The following ANTXR2 variants were observed in gnomAD, a reference collection of about 807,000 sequenced individuals.
The protein encoded by ANTXR2 is anthrax toxin receptor 2.
A neutral mutation model predicts 73.7 loss-of-function variants in ANTXR2; 44 were observed. The ratio of observed to expected loss-of-function variants is 0.60; its 90% confidence interval spans 0.47 to 0.77. The LOEUF (loss-of-function observed/expected upper bound fraction) is 0.77, where lower values mean the gene tolerates loss of function less well. ANTXR2 is among the 30% of genes least tolerant of loss of function. The pLI is 0.00. For missense variants in ANTXR2, 604 were observed against 592.5 expected (o/e 1.02, Z -0.20); for synonymous variants, 217 against 205.9 (o/e 1.05, Z -0.46).
intron 16 of ANTXR2, among the ~76,000 whole-genome samples, chr4:79,915,853 T>C (rs1727329720): frequency 7.8e-6 from 1 of 128,420 alleles, no homozygotes; most frequent in Non-Finnish European, 1.8e-5. Context: ...TCTCTCTCTC[T>C]CTCTCTCTCT....
chr4:79,960,769 GA>G (rs1197086657), intron 16 of ANTXR2, among the ~76,000 whole-genome samples: 3 of 151,490 alleles, frequency 2.0e-5, no homozygotes, highest in Admixed American at 2.0e-4. Flanking sequence ...ACAATTAGTG[GA>G]AAATATAAAT....
intron 16 of ANTXR2, among the ~76,000 whole-genome samples, chr4:79,963,956 T>C (rs1328415510): frequency 6.6e-6 from 1 of 152,224 alleles, no homozygotes; most frequent in Non-Finnish European, 1.5e-5. Flanking sequence ...GAAGTCTTTA[T>C]GAATAGGAAT....
intron 16 of ANTXR2, among the ~76,000 whole-genome samples, chr4:79,955,225 C>T (rs538781821): frequency 6.6e-6 from 1 of 152,192 alleles, no homozygotes; most frequent in East Asian, 1.9e-4. Context: ...AATAAATATA[C>T]AGAGCTCTTA....
chr4:79,907,485 T>C lies in ANTXR2; in HGVS notation c.1429-18A>G, dbSNP rs770298911. 12 of 1,610,634 alleles carry C rather than the reference T, an allele frequency of 7.5e-6. No individual in the cohort carries two copies. Among genetic ancestry groups the C allele is most frequent in the African/African-American group, 1.3e-5 (1 of 74,766 alleles). The stretch of plus-strand genomic sequence containing the variant: ...CACCGGCCCTGAAGAAAGAAATAAA[T>C]CCATATTGAAATATTGAAGCCATTA... On this transcript the variant is annotated intron_variant, in intron 16 of 16. Transcript: ENST00000403729.
At chr4:79,966,563 G>GT (rs1237424150) in intron 16 of ANTXR2, among the ~76,000 whole-genome samples, 1 of 151,960 alleles carries the variant, frequency 6.6e-6, no homozygotes, top group Non-Finnish European at 1.5e-5. Flanking sequence ...GTAAATTACT[G>GT]TAAGTTCCCC....
At chr4:80,054,816 CATT>C (rs1733918550) in intron 6 of ANTXR2, among the ~76,000 whole-genome samples, 1 of 151,158 alleles carries the variant, frequency 6.6e-6, no homozygotes, top group African/African-American at 2.4e-5. Flanking sequence ...GAAATTCTAA[CATT>C]ATAATAATAT....
intron 7 of ANTXR2, among the ~76,000 whole-genome samples, chr4:80,039,918 T>C (rs1379145934): frequency 6.6e-6 from 1 of 151,952 alleles, no homozygotes. Context: ...ATAGAAACCA[T>C]GGAATAAAAC....
At chr4:79,966,411 T>C (rs1168118853) in intron 16 of ANTXR2, among the ~76,000 whole-genome samples, 1 of 152,218 alleles carries the variant, frequency 6.6e-6, no homozygotes, top group African/African-American at 2.4e-5. Flanking sequence ...AGTGGTGAGC[T>C]ATGGATGTCT....
rs775715780 is a variant in ANTXR2, at chr4:80,072,495, C to CAACAGCCACAGCCCGGGG, written c.48_65dup (p.Phe16_Leu21dup). 7.5e-6 allele frequency: 12 copies of CAACAGCCACAGCCCGGGG among 1,608,168 alleles called. No homozygotes were observed. The highest frequency in any genetic ancestry group is 1.0e-5 in the Non-Finnish European group (12 of 1,177,952). The stretch of plus-strand genomic sequence containing the variant: ...GCAGCCCCCCGGGACCGCTGAGCAC[C>CAACAGCCACAGCCCGGGG]AACAGCCACAGCCCGGGGAACAGCC... On this transcript the variant is annotated inframe_insertion, in exon 1 of 17. Transcript: ENST00000403729.
At chr4:79,960,201 T>C (rs1729092650) in intron 16 of ANTXR2, among the ~76,000 whole-genome samples, 1 of 152,128 alleles carries the variant, frequency 6.6e-6, no homozygotes, top group African/African-American at 2.4e-5. Flanking sequence ...TAAGAAATCA[T>C]TCATGTCAGG....
chr4:79,924,229 A>T (rs1308678030), intron 16 of ANTXR2, among the ~76,000 whole-genome samples: 2 of 152,192 alleles, frequency 1.3e-5, no homozygotes, highest in African/African-American at 4.8e-5. Context: ...AATGCTCTCA[A>T]AATTGATAGC....
chr4:80,027,708 T>G (rs1348188562), intron 10 of ANTXR2, among the ~76,000 whole-genome samples: 1 of 152,212 alleles, frequency 6.6e-6, no homozygotes, highest in Non-Finnish European at 1.5e-5. Flanking sequence ...TCTGTTTTTC[T>G]TTCTTCACAA....
chr4:79,922,082 G>C (rs1013260412), intron 16 of ANTXR2, among the ~76,000 whole-genome samples: 10 of 151,986 alleles, frequency 6.6e-5, no homozygotes, highest in African/African-American at 2.4e-4. Context: ...TAAACTGCTA[G>C]AGCAGCAGAC....
intron 7 of ANTXR2, among the ~76,000 whole-genome samples, chr4:80,052,995 A>G (rs372809546): frequency 6.6e-6 from 1 of 151,566 alleles, no homozygotes; most frequent in Non-Finnish European, 1.5e-5. Flanking sequence ...AATCCAAAGG[A>G]ATAGCCCAGA....
At chr4:79,994,182 A>C (rs1020366379) in intron 12 of ANTXR2, among the ~76,000 whole-genome samples, 1 of 152,026 alleles carries the variant, frequency 6.6e-6, no homozygotes, top group Non-Finnish European at 1.5e-5. Context: ...TTGTTAAATT[A>C]GACATCTAAC....
intron 12 of ANTXR2, among the ~76,000 whole-genome samples, chr4:80,006,067 C>A (rs906687951): frequency 1.3e-5 from 2 of 152,134 alleles, no homozygotes; most frequent in Non-Finnish European, 2.9e-5. Context: ...ACATCTTATT[C>A]ATGACTCAGA....
intron 7 of ANTXR2, among the ~76,000 whole-genome samples, chr4:80,051,521 C>T (rs1733773085): frequency 6.6e-6 from 1 of 151,594 alleles, no homozygotes; most frequent in East Asian, 1.9e-4. Context: ...AATTACAAAC[C>T]TTCATATGCA....
chr4:80,032,455 T>C (rs1011528615), intron 9 of ANTXR2, among the ~76,000 whole-genome samples: 6 of 151,660 alleles, frequency 4.0e-5, no homozygotes, highest in African/African-American at 7.3e-5. Context: ...ATGAAGAGAG[T>C]TTGTAAATTT....
intron 12 of ANTXR2, among the ~76,000 whole-genome samples, chr4:79,990,177 TAAG>T (rs1219654139): frequency 2.0e-5 from 3 of 151,680 alleles, no homozygotes; most frequent in African/African-American, 7.3e-5. Flanking sequence ...AATAGGAAAA[TAAG>T]AAGTCAAAAT....
Sources: gnomAD v4.1 joint callset for allele counts (sites outside exome capture counted in the v4.1 genomes callset) on GRCh38, gnomAD v4.1.1 for gene constraint, MANE v1.5 for transcripts, NCBI Gene and HGNC (gene_info 2026-07-23, HGNC 2026-07-21) for gene names.